GRM7: variants seen among roughly 807,000 people sequenced by gnomAD.
GRM7 encodes the protein metabotropic glutamate receptor 7.
GRM7 carries 35 observed loss-of-function variants against 84.5 expected under a neutral mutation model. The ratio of observed to expected loss-of-function variants is 0.41; its 90% CI spans 0.32 to 0.55. The LOEUF (loss-of-function observed/expected upper bound fraction) is 0.55. Among genes scored for constraint, GRM7 ranks in the 20% least tolerant of loss-of-function variants. The probability of loss-of-function intolerance (pLI) is 0.19; values close to 1 mark genes in which losing one functional copy is unlikely to be tolerated. For synonymous variants in GRM7, 487 were observed against 455.1 expected, an observed-to-expected ratio of 1.07 and a Z score of -0.89; for missense variants, 1,003 against 1,194.6, an observed-to-expected ratio of 0.84 and a Z score of 2.36.
At chr3:7,172,563 A>G (rs964392525) in intron 2 of GRM7, among the ~76,000 whole-genome samples, 9 of 24,286 alleles carry the variant, frequency 3.7e-4, no homozygotes, top group Non-Finnish European at 7.2e-4. Flanking sequence ...CCCCCCACAT[A>G]TATCTATATA....
chr3:7,253,875 T>C (rs1398006286), intron 2 of GRM7, among the ~76,000 whole-genome samples: 1 of 152,140 alleles, frequency 6.6e-6, no homozygotes, highest in East Asian at 1.9e-4. Context: ...TCAGAGTCAA[T>C]TGATGAGATA....
intron 5 of GRM7, among the ~76,000 whole-genome samples, chr3:7,422,698 T>C (rs191098223): frequency 6.6e-6 from 1 of 152,306 alleles, no homozygotes; most frequent in East Asian, 1.9e-4. Context: ...ACTGACCATA[T>C]AACACTGGCT....
Position 7,568,611 on chromosome 3 carries a change from C to T in GRM7, c.1516-9811C>T, listed in dbSNP as rs561075547. 1.4e-3 allele frequency among the ~76,000 whole-genome samples: 218 copies of T among 152,294 alleles called. 1 individual carries two copies. The highest frequency in any genetic ancestry group is 4.9e-3 in the African/African-American group (205 of 41,576). Reference sequence around the variant, plus strand: ...GGAGGTGTGGAGGGAGAGGCGCAAGCGGGAACCGGGGCTGCCCCCGGCGCT... The same window carrying T: ...GGAGGTGTGGAGGGAGAGGCGCAAGTGGGAACCGGGGCTGCCCCCGGCGCT... On this transcript the variant is annotated intron_variant, in intron 7 of 9. Transcript: ENST00000357716.
chr3:7,569,798 C>T (rs1199330221), intron 7 of GRM7, among the ~76,000 whole-genome samples: 1 of 152,140 alleles, frequency 6.6e-6, no homozygotes, highest in East Asian at 1.9e-4. Context: ...CAGCTTCACT[C>T]CTGAGCCCGT....
chr3:7,220,725 G>T (rs572965543), intron 2 of GRM7, among the ~76,000 whole-genome samples: 1 of 152,338 alleles, frequency 6.6e-6, no homozygotes, highest in African/African-American at 2.4e-5. Flanking sequence ...AGGGGAGACT[G>T]GGTGGTGTGA....
chr3:7,295,934 A>G (rs1457365008), intron 2 of GRM7, among the ~76,000 whole-genome samples: 5 of 152,038 alleles, frequency 3.3e-5, no homozygotes, highest in Non-Finnish European at 5.9e-5. Context: ...GCAAGGGTTT[A>G]TAGTACAGTA....
At chr3:7,638,381 CT>C (rs1231111044) in intron 8 of GRM7, among the ~76,000 whole-genome samples, 1 of 152,054 alleles carries the variant, frequency 6.6e-6, no homozygotes, top group Non-Finnish European at 1.5e-5. Flanking sequence ...CAAAATAACT[CT>C]CTAAGGAAGA....
chr3:6,885,306 G>A (rs1695649924), intron 1 of GRM7, among the ~76,000 whole-genome samples: 1 of 152,160 alleles, frequency 6.6e-6, no homozygotes, highest in Admixed American at 6.5e-5. Context: ...TAGCTTAGAG[G>A]GAGTTCTGCA....
chr3:6,970,755 G>A (rs986666677), intron 1 of GRM7, among the ~76,000 whole-genome samples: 4 of 152,230 alleles, frequency 2.6e-5, no homozygotes, highest in Non-Finnish European at 5.9e-5. Flanking sequence ...CGAGGCGGGC[G>A]GATCACGAGG....
At chr3:7,057,060 T>C (rs1278131765) in intron 1 of GRM7, among the ~76,000 whole-genome samples, 1 of 151,948 alleles carries the variant, frequency 6.6e-6, no homozygotes, top group East Asian at 1.9e-4. Context: ...AATGCAAATA[T>C]TGGAAGAAAT....
At chr3:7,358,574 T>C (rs915442778) in intron 4 of GRM7, among the ~76,000 whole-genome samples, 5 of 148,468 alleles carry the variant, frequency 3.4e-5, no homozygotes, top group Non-Finnish European at 7.4e-5. Context: ...CTCATAAAGG[T>C]TCTGAGAAGT....
chr3:7,529,173 C>G (rs959478363), intron 7 of GRM7, among the ~76,000 whole-genome samples: 5 of 151,978 alleles, frequency 3.3e-5, no homozygotes, highest in African/African-American at 1.2e-4. Flanking sequence ...AGTTCGAGAG[C>G]CTTTTATTAT....
At chr3:7,718,577 G>C (rs759252645) in intron 9 of GRM7, among the ~76,000 whole-genome samples, 2 of 152,066 alleles carry the variant, frequency 1.3e-5, no homozygotes, top group African/African-American at 2.4e-5. Flanking sequence ...TGGAAATTGA[G>C]ACACCTCACC....
intron 7 of GRM7, among the ~76,000 whole-genome samples, chr3:7,468,082 C>T (rs1193281376): frequency 6.6e-6 from 1 of 152,140 alleles, no homozygotes; most frequent in Non-Finnish European, 1.5e-5. Flanking sequence ...TGGACTTATA[C>T]CTGCCTATAA....
chr3:7,001,569 G>C (rs998100967), intron 1 of GRM7, among the ~76,000 whole-genome samples: 1 of 152,200 alleles, frequency 6.6e-6, no homozygotes, highest in East Asian at 1.9e-4. Context: ...GCTTGTTTCA[G>C]GTTTTAAAAT....
At chr3:7,607,268 T>C (rs892078880) in intron 8 of GRM7, 2 of 144,304 alleles carry the variant, frequency 1.4e-5, no homozygotes, top group African/African-American at 5.9e-5. Flanking sequence ...AAATAAGCAT[T>C]GTAGTGGTTC....
At chr3:7,315,503 C>T (rs903907286) in intron 4 of GRM7, among the ~76,000 whole-genome samples, 2 of 152,148 alleles carry the variant, frequency 1.3e-5, no homozygotes, top group Non-Finnish European at 1.5e-5. Context: ...TCCCTATTCT[C>T]CACCCTGAGA....
Position 6,862,243 on chromosome 3 carries a change from G to T in GRM7, c.519+336G>T, listed in dbSNP as rs1259339216. Among the ~76,000 whole-genome samples, 1 of 152,038 alleles carries T rather than the reference G, an allele frequency of 6.6e-6. No individual in the cohort carries two copies. Among genetic ancestry groups the T allele is most frequent in the Non-Finnish European group, 1.5e-5 (1 of 68,000 alleles). Reference sequence around the variant, plus strand: ...GGTCCGAAAACAGGCTCGTAAAAGTGCCAGGCTCCTAGGAGAGCTGGTTAG... The same window carrying T: ...GGTCCGAAAACAGGCTCGTAAAAGTTCCAGGCTCCTAGGAGAGCTGGTTAG... On this transcript the variant is annotated intron_variant, in intron 1 of 9. Transcript: ENST00000357716. This position sits in a 1 kb window ranked among gnomAD's most constrained non-coding sequence, Gnocchi z 5.2.
At chr3:7,060,720 ATGTT>A (rs1301496962) in intron 1 of GRM7, among the ~76,000 whole-genome samples, 2 of 141,078 alleles carry the variant, frequency 1.4e-5, no homozygotes, top group Non-Finnish European at 3.1e-5. Context: ...AAATAAATGC[ATGTT>A]TCTTTAACGC....
Sources: allele counts gnomAD v4.1 joint callset (sites outside exome capture counted in the v4.1 genomes callset), GRCh38; gene constraint gnomAD v4.1.1; non-coding constraint Gnocchi (gnomAD v3.1); transcripts MANE v1.5; gene names NCBI Gene and HGNC (gene_info 2026-07-23, HGNC 2026-07-21).